GDAP1: variants seen among roughly 807,000 people sequenced by gnomAD.
GDAP1 encodes ganglioside induced differentiation associated protein 1, also known as ganglioside-induced differentiation-associated protein 1.
In GDAP1, 34 loss-of-function variants were observed where a neutral mutation model predicts 40.1. The ratio of observed to expected loss-of-function variants is 0.85; its 90% CI spans 0.64 to 1.13. The LOEUF (loss-of-function observed/expected upper bound fraction) is 1.13. GDAP1 is among the 50% of genes most tolerant of loss of function. The pLI is 0.00. For missense variants in GDAP1, 374 were observed against 433.7 expected, an observed-to-expected ratio of 0.86 and a Z score of 1.22; for synonymous variants, 170 against 157.4, an observed-to-expected ratio of 1.08 and a Z score of -0.60.
At chr8:74,386,919 C>T (rs1471537688) in intron 2 of GDAP1, among the ~76,000 whole-genome samples, 1 of 152,048 alleles carries the variant, frequency 6.6e-6, no homozygotes. Context: ...AAGTTGTATT[C>T]CTAGGTATTT....
At chr8:74,436,620 T>C (rs7387114) in intron 2 of GDAP1, among the ~76,000 whole-genome samples, 151,956 of 152,084 alleles carry the variant, frequency 1, 75,915 homozygotes, top group Middle Eastern at 1. Context: ...ATGGGTTTCA[T>C]CATGTTGGCC....
intron 2 of GDAP1, among the ~76,000 whole-genome samples, chr8:74,393,014 T>C (rs1810136079): frequency 6.6e-6 from 1 of 152,224 alleles, no homozygotes; most frequent in African/African-American, 2.4e-5. Context: ...TAGATTGCAT[T>C]TTATGCTAAT....
chr8:74,484,946 C>A (rs1369307223), intron 2 of GDAP1, among the ~76,000 whole-genome samples: 5 of 152,090 alleles, frequency 3.3e-5, no homozygotes, highest in African/African-American at 9.7e-5. Context: ...GTAACCATTG[C>A]CCAAAGTCTC....
rs528302738 is a variant in GDAP1 at position 74,385,461 on chromosome 8, G to A, written c.165+34140G>A. 9.3e-4 allele frequency among the ~76,000 whole-genome samples: 141 copies of A among 152,136 alleles called. 2 individuals carry two copies. Among genetic ancestry groups the A allele is most frequent in the Non-Finnish European group, 1.3e-3 (89 of 68,026 alleles). ...TTCTGCTCCTGTGTTAGTTTGCTGA[G>A]AATGATGGTTTCCAGCTTCATCCAT... On this transcript the variant is annotated intron_variant, in intron 2 of 2. Transcript: ENST00000523640.
At chr8:74,428,223 T>C (rs1410010603) in intron 2 of GDAP1, among the ~76,000 whole-genome samples, 1 of 102,182 alleles carries the variant, frequency 9.8e-6, no homozygotes, top group African/African-American at 3.7e-5. Flanking sequence ...TGAGACCCCA[T>C]TGCTAACAAC....
chr8:74,416,968 G>A (rs1805791376), intron 2 of GDAP1, among the ~76,000 whole-genome samples: 1 of 146,622 alleles, frequency 6.8e-6, no homozygotes, highest in Admixed American at 6.7e-5. Flanking sequence ...GCACTGCTGG[G>A]CTTGGGAAGG....
In GDAP1 at chr8:74,428,633, ATTTTTTTTTTTT is replaced by A. The variant is rs1195348725; in HGVS notation, c.166-60028_166-60017del. Among the ~76,000 whole-genome samples, 6 of 42,848 alleles carry A rather than the reference ATTTTTTTTTTTT, an allele frequency of 1.4e-4. No homozygotes were observed. In the East Asian group the frequency reaches 4.0e-3, roughly 29 times the overall value. 28.1% of individuals were successfully genotyped at this position (42,848 alleles called of 152,430 possible). ...GGGCGTATGCCACCACACCCGGCTA[ATTTTTTTTTTTT>A]TTTTTTTTTTTTTTTTAGTAGAGAC... On this transcript the variant is annotated intron_variant, in intron 2 of 2. Coordinates refer to the GDAP1 transcript ENST00000523640.
chr8:74,375,565 AT>A (rs1333984892), intron 2 of GDAP1, among the ~76,000 whole-genome samples: 3 of 152,208 alleles, frequency 2.0e-5, no homozygotes, highest in Admixed American at 2.0e-4. Flanking sequence ...GCAGAAAAAG[AT>A]TTGATAAAAT....
At chr8:74,434,583 G>T (rs906546482) in intron 2 of GDAP1, among the ~76,000 whole-genome samples, 1 of 152,214 alleles carries the variant, frequency 6.6e-6, no homozygotes, top group African/African-American at 2.4e-5. Flanking sequence ...AGTATGGCAT[G>T]AGTTCTCATT....
chr8:74,361,696 G>A (rs2131515320), intron 3 of GDAP1, among the ~76,000 whole-genome samples, 188 bp from the exon 4 acceptor site: 1 of 152,230 alleles, frequency 6.6e-6, no homozygotes, highest in South Asian at 2.1e-4. Context: ...CGCCCAGCCG[G>A]CAGATACTCT....
intron 2 of GDAP1, among the ~76,000 whole-genome samples, chr8:74,393,499 C>A (rs956351135): frequency 1.4e-4 from 21 of 152,024 alleles, no homozygotes; most frequent in African/African-American, 4.3e-4. Flanking sequence ...TATCCTGGAT[C>A]AAAATGTTCT....
intron 2 of GDAP1, among the ~76,000 whole-genome samples, chr8:74,477,707 G>A (rs1355154300): frequency 6.6e-6 from 1 of 152,134 alleles, no homozygotes; most frequent in East Asian, 1.9e-4. Flanking sequence ...ACACTCTAAT[G>A]GGTGGTGCCA....
downstream of GDAP1, among the ~76,000 whole-genome samples, chr8:74,370,721 A>G (rs908678721): frequency 2.0e-5 from 3 of 151,868 alleles, no homozygotes; most frequent in African/African-American, 4.8e-5. Flanking sequence ...ATAAGAATGC[A>G]AGACACAAGT....
intron 2 of GDAP1, among the ~76,000 whole-genome samples, chr8:74,488,375 C>A (rs1234774731): frequency 6.6e-6 from 1 of 152,106 alleles, no homozygotes; most frequent in African/African-American, 2.4e-5. Context: ...TTCTTCCTTT[C>A]CCCCACAACA....
At chr8:74,488,355 C>G (rs1806801428) in intron 2 of GDAP1, among the ~76,000 whole-genome samples, 1 of 152,026 alleles carries the variant, frequency 6.6e-6, no homozygotes, top group Non-Finnish European at 1.5e-5. Flanking sequence ...GATGAAATTC[C>G]TAGGAGTACT....
chr8:74,398,152 CTGTT>C (rs1026888179), intron 2 of GDAP1, among the ~76,000 whole-genome samples: 34 of 152,096 alleles, frequency 2.2e-4, no homozygotes, highest in African/African-American at 8.0e-4. Flanking sequence ...ATTTGGCTCT[CTGTT>C]TGTCTGTTAT....
At chr8:74,357,285 A>C (rs1809147030) in intron 2 of GDAP1, among the ~76,000 whole-genome samples, 1 of 152,192 alleles carries the variant, frequency 6.6e-6, no homozygotes, top group African/African-American at 2.4e-5. Flanking sequence ...ACTAGGAAAG[A>C]TGGGTAACCA....
At chr8:74,486,460 A>C (rs193032947) in intron 2 of GDAP1, among the ~76,000 whole-genome samples, 23 of 152,264 alleles carry the variant, frequency 1.5e-4, no homozygotes, top group Admixed American at 1.4e-3. Context: ...TTTTATCTTC[A>C]GTGCTTTGCA....
At chr8:74,393,885 G>A (rs553303312) in intron 2 of GDAP1, among the ~76,000 whole-genome samples, 123 of 152,302 alleles carry the variant, frequency 8.1e-4, no homozygotes, top group Middle Eastern at 3.4e-3. Flanking sequence ...GAAGGTGGTA[G>A]ACACTGTTTG....
Sources: allele counts gnomAD v4.1 joint callset (sites outside exome capture counted in the v4.1 genomes callset), GRCh38; gene constraint gnomAD v4.1.1; transcripts MANE v1.5; gene names NCBI Gene and HGNC (gene_info 2026-07-23, HGNC 2026-07-21).